OVOL1: variants seen among roughly 807,000 people sequenced by gnomAD.
OVOL1 encodes putative transcription factor Ovo-like 1.
In OVOL1, 10 loss-of-function variants were observed where a neutral mutation model predicts 21.5. The observed-to-expected ratio is 0.46, with a 90% CI of 0.29 to 0.79. OVOL1 has a LOEUF of 0.79. Ranked by LOEUF, OVOL1 falls within the 30% of genes least tolerant of loss-of-function variation. The pLI, the probability that OVOL1 is intolerant of heterozygous loss-of-function variation, is 0.10. For missense variants in OVOL1, 279 were observed against 362.3 expected, an observed-to-expected ratio of 0.77 and a Z score of 1.87; for synonymous variants, 129 against 150.3, an observed-to-expected ratio of 0.86 and a Z score of 1.03.
At chr11:65,793,700 T>G in intron 1 of OVOL1, 1 of 405,864 alleles carries the variant, frequency 2.5e-6, no homozygotes, top group Non-Finnish European at 4.6e-6. Context: ...GGAGAGTGGA[T>G]GAGGCCTGGA....
In OVOL1 at chr11:65,787,490, C is replaced by A; in HGVS notation, c.100+17C>A. On this transcript the variant is annotated intron_variant, in intron 1 of 3. Coordinates refer to ENST00000335987, the MANE Select transcript of OVOL1 (RefSeq NM_004561.4). The stretch of plus-strand genomic sequence containing the variant: ...ACGTGCCAGGTGAGGCTCCAACCGC[C>A]CTCCGGCCTGGGGCACCCGCGGCGG... The A allele has an allele frequency of 6.7e-7, 1 of 1,488,232 alleles. No homozygotes were observed. The highest frequency in any genetic ancestry group is 9.0e-7 in the Non-Finnish European group (1 of 1,108,108). 92.2% of individuals were successfully genotyped at this position (1,488,232 alleles called of 1,614,324 possible).
Position 65,796,815 on chromosome 11 carries a change from C to T in OVOL1, c.*1474C>T, listed in dbSNP as rs1295450802. On this transcript the variant is annotated 3_prime_UTR_variant, in exon 4 of 4. Coordinates refer to ENST00000335987, the MANE Select transcript of OVOL1 (RefSeq NM_004561.4). ...GCCAGAGGCAAATGCAAAAGAGGTC[C>T]CCAGAACACAGCCAGCTGGGCAGCC... 2 of 152,292 alleles carry T rather than the reference C, an allele frequency of 1.3e-5. No individual in the cohort carries two copies. Among genetic ancestry groups the T allele is most frequent in the East Asian group, 1.9e-4 (1 of 5,188 alleles). The allele number at this position is 152,292 out of a possible 1,614,324, so 9.4% of individuals were successfully genotyped here. A position where few individuals can be genotyped will look rare whatever the true frequency, so the allele number is the denominator to read the frequency against.
rs1858140894 is a variant in OVOL1, at chr11:65,796,709, G to C, written c.*1368G>C. ...CTGGCTCCCTTGCTCCCTTGCTGCA[G>C]CTGGGAAAGGGGTTCTGGGTGTAAA... On this transcript the variant is annotated 3_prime_UTR_variant, in exon 4 of 4. Transcript: ENST00000335987. The C allele has an allele frequency of 6.6e-6, 1 of 152,386 alleles. No homozygotes were observed. The allele number at this position is 152,386 out of a possible 1,614,324, so 9.4% of individuals were successfully genotyped here.
chr11:65,794,842 C>A, intron 3 of OVOL1, 115 bp downstream of exon 3: 1 of 1,159,338 alleles, frequency 8.6e-7, no homozygotes, highest in Non-Finnish European at 1.2e-6. Flanking sequence ...GGGAGGGCAT[C>A]CCGGAGCTCA....
intron 1 of OVOL1, among the ~76,000 whole-genome samples, chr11:65,791,057 C>T (rs1565229820): frequency 6.6e-6 from 1 of 152,118 alleles, no homozygotes; most frequent in Non-Finnish European, 1.5e-5. Flanking sequence ...GGCACCCTGG[C>T]GCGAGGGCCG....
chr11:65,794,700 C>T lies in OVOL1; in HGVS notation c.481C>T (p.Leu161Phe). The T allele has an allele frequency of 6.2e-7, 1 of 1,613,638 alleles. No individual in the cohort carries two copies. Among genetic ancestry groups the T allele is most frequent in the Non-Finnish European group, 8.5e-7 (1 of 1,180,014 alleles). The change falls in exon 3 of 4, where the codon CTC becomes TTC. Residue 161 changes from leucine (L) to phenylalanine (F), a missense_variant. Coordinates refer to ENST00000335987, the MANE Select transcript of OVOL1 (RefSeq NM_004561.4). ...CGKGFNDTFD[L>F]KRHVRTHTGV... ...GAAGGGCTTCAATGACACCTTCGAC[C>T]TCAAGAGACACGTCCGAACTCACAC...
Position 65,795,402 on chromosome 11 carries a change from C to A in OVOL1, c.*61C>A. On this transcript the variant is annotated 3_prime_UTR_variant, in exon 4 of 4. Coordinates refer to ENST00000335987, the MANE Select transcript of OVOL1 (RefSeq NM_004561.4). The surrounding 1 kb of genome is among the most constrained non-coding windows in gnomAD (Gnocchi z 5.7). ...AAGAGCATCCAGGATTGCCTCCCAG[C>A]TGCCTGGCCAGCCCACCCTCCTGCA... is the stretch of plus-strand genomic sequence containing the variant. 1 of 1,453,338 alleles carries A rather than the reference C, an allele frequency of 6.9e-7. No individual in the cohort carries two copies. The highest frequency in any genetic ancestry group is 9.3e-7 in the Non-Finnish European group (1 of 1,080,602). The allele number at this position is 1,453,338 out of a possible 1,614,324, so 90.0% of individuals were successfully genotyped here.
At position 65,796,204 on chromosome 11, in the gene OVOL1, C is replaced by T. The variant is rs562519330; in HGVS notation, c.*863C>T. 1 of 152,638 alleles carries T rather than the reference C, an allele frequency of 6.6e-6. No homozygotes were observed. The highest frequency in any genetic ancestry group is 2.1e-4 in the South Asian group (1 of 4,828). The allele number at this position is 152,638 out of a possible 1,614,324, so 9.5% of individuals were successfully genotyped here. On this transcript the variant is annotated 3_prime_UTR_variant, in exon 4 of 4. Transcript: ENST00000335987. Reference sequence around the variant, plus strand: ...CTGGGCGGGGGCTGCCCCAACCCACCCCCGTTCTTTGTACGTGCTGAGACA... The same window carrying T: ...CTGGGCGGGGGCTGCCCCAACCCACTCCCGTTCTTTGTACGTGCTGAGACA...
At chr11:65,794,932 C>T (rs1591002899) in intron 3 of OVOL1, 114 bp from the exon 4 acceptor site, 12 of 1,137,524 alleles carry the variant, frequency 1.1e-5, no homozygotes, top group Admixed American at 4.3e-5. Flanking sequence ...GACAGGCCTC[C>T]GTCCATCCCT....
intron 1 of OVOL1, chr11:65,788,466 C>T: frequency 1.0e-6 from 1 of 984,712 alleles, no homozygotes; most frequent in Non-Finnish European, 1.2e-6. Context: ...CCAGCCCAGC[C>T]CCTCCGAGGG....
intron 1 of OVOL1, chr11:65,788,473 A>C: frequency 1.0e-6 from 1 of 982,600 alleles, no homozygotes; most frequent in Non-Finnish European, 1.2e-6. Flanking sequence ...AGCCCCTCCG[A>C]GGGGGGAGGG....
At chr11:65,792,860 G>A (rs1591000719) in intron 1 of OVOL1, among the ~76,000 whole-genome samples, 1 of 152,200 alleles carries the variant, frequency 6.6e-6, no homozygotes, top group African/African-American at 2.4e-5. Context: ...CTGTCCTCCT[G>A]GGAGAAGAGG....
chr11:65,794,591 G>A lies in OVOL1; in HGVS notation c.372G>A (p.Gln124=), dbSNP rs1482420723. Residue 124 remains glutamine (Q), a synonymous_variant, in exon 3 of 4, where the codon CAG becomes CAA. Transcript: ENST00000335987. The stretch of plus-strand genomic sequence containing the variant: ...ACCTGTTCACCTGCCGTGTCTGCCA[G>A]AAGGCCTTCACCTACCAGCGCATGC... ...SGDLFTCRVC[Q]KAFTYQRMLN... The A allele has an allele frequency of 8.7e-6, 14 of 1,613,518 alleles. No individual in the cohort carries two copies. The South Asian group carries it at 1.3e-4, about 15-fold the overall frequency.
At chr11:65,788,454 G>T in intron 1 of OVOL1, 1 of 983,972 alleles carries the variant, frequency 1.0e-6, no homozygotes, top group Non-Finnish European at 1.2e-6. Flanking sequence ...CGCTCTGAAC[G>T]CCCAGCCCAG....
chr11:65,788,242 G>C (rs1322285248), intron 1 of OVOL1, among the ~76,000 whole-genome samples: 1 of 152,248 alleles, frequency 6.6e-6, no homozygotes, highest in Non-Finnish European at 1.5e-5. Context: ...GGGGAAGCTG[G>C]TGTACCCAGT....
intron 2 of OVOL1, 108 bp from the exon 3 acceptor site, chr11:65,794,430 C>A: frequency 8.5e-7 from 1 of 1,182,800 alleles, no homozygotes; most frequent in Non-Finnish European, 1.2e-6. Flanking sequence ...GGGAGGTGGG[C>A]ACCACCCTCC....
chr11:65,794,011 C>T lies in OVOL1; in HGVS notation c.101-20C>T, dbSNP rs1229120810. 1.9e-6 allele frequency: 3 copies of T among 1,603,386 alleles called. No individual in the cohort carries two copies. The highest frequency in any genetic ancestry group is 4.5e-5 in the East Asian group (2 of 44,790). On this transcript the variant is annotated intron_variant, in intron 1 of 3. Coordinates refer to ENST00000335987, the MANE Select transcript of OVOL1 (RefSeq NM_004561.4). ...CCTCTCTTCTCCACCAAGCCTCTCA[C>T]CTGTCTGTTCTCTCCCCAGTCAGCC...
In OVOL1 at chr11:65,795,041, C is replaced by G. The variant is rs758286352; in HGVS notation, c.509-5C>G. On this transcript the variant is annotated splice_region_variant and splice_polypyrimidine_tract_variant and intron_variant, in intron 3 of 3. Transcript: ENST00000335987. This position sits in a 1 kb window ranked among gnomAD's most constrained non-coding sequence, Gnocchi z 5.7. ...CTCTGATGCTGGCCCCTGTCCTCCCCACAGGCGTGCGGCCCTACAAGTGCA... is the reference window on the plus strand; with the variant it reads ...CTCTGATGCTGGCCCCTGTCCTCCCGACAGGCGTGCGGCCCTACAAGTGCA... 2.3e-5 allele frequency: 37 copies of G among 1,611,222 alleles called. No homozygotes were observed. Among genetic ancestry groups the G allele is most frequent in the Non-Finnish European group, 2.9e-5 (34 of 1,179,396 alleles).
rs748031232 is a variant in OVOL1 at position 65,795,439 on chromosome 11, G to C, written c.*98G>C. 4 of 1,132,598 alleles carry C rather than the reference G, an allele frequency of 3.5e-6. No individual in the cohort carries two copies. The highest frequency in any genetic ancestry group is 5.0e-6 in the Non-Finnish European group (4 of 797,096). 70.2% of individuals were successfully genotyped at this position (1,132,598 alleles called of 1,614,324 possible). On this transcript the variant is annotated 3_prime_UTR_variant, in exon 4 of 4. Transcript: ENST00000335987. The surrounding 1 kb of genome is among the most constrained non-coding windows in gnomAD (Gnocchi z 5.7). ...CCCACCCTCCTGCAACCTCTCACCC[G>C]AACACCAGTGATCAGGACTGGAGCC...
Sources: gnomAD v4.1 joint callset for allele counts (sites outside exome capture counted in the v4.1 genomes callset) on GRCh38, gnomAD v4.1.1 for gene constraint, Gnocchi (gnomAD v3.1) non-coding constraint, MANE v1.5 for transcripts, NCBI Gene and HGNC (gene_info 2026-07-23, HGNC 2026-07-21) for gene names.